The following F13A1 variants were observed in gnomAD, a reference collection of about 807,000 sequenced individuals.
The protein encoded by F13A1 is FSF, A subunit.
F13A1 carries 47 observed loss-of-function variants against 80.1 expected under a neutral mutation model. The ratio of observed to expected loss-of-function variants is 0.59; its 90% CI spans 0.46 to 0.75. The LOEUF is 0.75. F13A1 is among the 30% of genes least tolerant of loss of function. F13A1 has a pLI of 0.00. For missense variants in F13A1, 817 were observed against 930.4 expected (o/e 0.88, Z 1.59); for synonymous variants, 349 against 344.9 (o/e 1.01, Z -0.13).
intron 3 of F13A1, among the ~76,000 whole-genome samples, chr6:6,298,366 T>C (rs1758364376): frequency 6.7e-6 from 1 of 150,146 alleles, no homozygotes; most frequent in South Asian, 2.1e-4. Context: ...CCTCCCATTA[T>C]TAATGTGTGG....
chr6:6,187,917 T>C (rs1761109703), intron 10 of F13A1, among the ~76,000 whole-genome samples: 1 of 147,168 alleles, frequency 6.8e-6, no homozygotes, highest in Admixed American at 6.8e-5. Context: ...TATTGGTCTA[T>C]TCAGAGATTC....
intron 8 of F13A1, among the ~76,000 whole-genome samples, chr6:6,214,792 TAAAG>T (rs1341806710): frequency 6.1e-5 from 3 of 49,482 alleles, no homozygotes; most frequent in East Asian, 3.7e-4. Context: ...GCAAGACTAA[TAAAG>T]AAAAAAAGAG....
intron 8 of F13A1, among the ~76,000 whole-genome samples, chr6:6,213,429 A>G (rs1254018877): frequency 3.0e-4 from 45 of 152,022 alleles, no homozygotes. Flanking sequence ...AGCCAAACTA[A>G]GCTTCATAAG....
chr6:6,238,088 G>A (rs1757435981), intron 6 of F13A1, among the ~76,000 whole-genome samples: 1 of 152,334 alleles, frequency 6.6e-6, no homozygotes, highest in East Asian at 1.9e-4. Context: ...AAAAAAGGCA[G>A]TGTGGTATTG....
chr6:6,160,711 G>A (rs1760558432), intron 13 of F13A1, among the ~76,000 whole-genome samples: 1 of 152,164 alleles, frequency 6.6e-6, no homozygotes, highest in African/African-American at 2.4e-5. Flanking sequence ...ATAACTATAT[G>A]AAGAATGGAT....
At chr6:6,150,848 G>A (rs9504691) in intron 14 of F13A1, among the ~76,000 whole-genome samples, 11 of 150,976 alleles carry the variant, frequency 7.3e-5, no homozygotes, top group African/African-American at 2.2e-4. Context: ...GGAATGTGTG[G>A]GAGAGAGAGA....
At chr6:6,301,468 C>T (rs969224678) in intron 3 of F13A1, among the ~76,000 whole-genome samples, 5 of 152,198 alleles carry the variant, frequency 3.3e-5, no homozygotes, top group African/African-American at 9.6e-5. Flanking sequence ...TACATGTGGC[C>T]CTGTAATGGC....
chr6:6,239,606 A>T (rs1386306458), intron 6 of F13A1, among the ~76,000 whole-genome samples: 1 of 152,086 alleles, frequency 6.6e-6, no homozygotes, highest in Non-Finnish European at 1.5e-5. Context: ...GATAACTATG[A>T]CCACAGGAAA....
intron 10 of F13A1, among the ~76,000 whole-genome samples, chr6:6,191,289 G>T: frequency 6.6e-6 from 1 of 152,064 alleles, no homozygotes; most frequent in East Asian, 1.9e-4. Flanking sequence ...CTTCCTTGTC[G>T]GGCTGGTGGA....
At chr6:6,282,038 G>A (rs1758074497) in intron 3 of F13A1, among the ~76,000 whole-genome samples, 1 of 150,758 alleles carries the variant, frequency 6.6e-6, no homozygotes, top group African/African-American at 2.4e-5. Context: ...CAAGAGTCAT[G>A]AATCAGGGGT....
intron 6 of F13A1, among the ~76,000 whole-genome samples, chr6:6,229,532 C>G (rs183311151): frequency 1.1e-4 from 16 of 152,100 alleles, no homozygotes; most frequent in African/African-American, 3.9e-4. Context: ...AAAGATGATA[C>G]AACATAAGGA....
chr6:6,244,742 G>A (rs1181593920), intron 6 of F13A1, among the ~76,000 whole-genome samples: 1 of 152,182 alleles, frequency 6.6e-6, no homozygotes, highest in African/African-American at 2.4e-5. Flanking sequence ...TAAAGACAAA[G>A]ATGCGAGGCC....
At chr6:6,306,124 G>A (rs1758509137) in intron 2 of F13A1, among the ~76,000 whole-genome samples, 1 of 152,190 alleles carries the variant, frequency 6.6e-6, no homozygotes, top group Non-Finnish European at 1.5e-5. Context: ...TCAAATGCAG[G>A]AAAGAGAGGG....
At chr6:6,284,010 T>C (rs181680303) in intron 3 of F13A1, among the ~76,000 whole-genome samples, 71 of 152,262 alleles carry the variant, frequency 4.7e-4, no homozygotes, top group African/African-American at 1.7e-3. Flanking sequence ...GCAAGGATGA[T>C]TGAGTACCAC....
Position 6,197,444 on chromosome 6 carries a change from C to T in F13A1, c.1113-118G>A. ...CCTGTAATCCCAGCAATTTGGGAGGCCAAGGCAGGTGAGTCACAAGGTCAA... is the reference window on the plus strand; with the variant it reads ...CCTGTAATCCCAGCAATTTGGGAGGTCAAGGCAGGTGAGTCACAAGGTCAA... On this transcript the variant is annotated intron_variant, in intron 8 of 14. Coordinates refer to ENST00000264870, the MANE Select transcript of F13A1 (RefSeq NM_000129.4). The T allele has an allele frequency of 3.3e-6, 3 of 920,342 alleles. No homozygotes were observed. In the South Asian group the frequency reaches 4.2e-5, roughly 13 times the overall value. The allele number at this position is 920,342 out of a possible 1,614,324, so 57.0% of individuals were successfully genotyped here.
chr6:6,174,250 C>T lies in F13A1; in HGVS notation c.1747+330G>A, dbSNP rs3024449. ...ACTAAAAATACAAAAATTTGCCTGG[C>T]GTGGTGGCATGTGCCTGTAATCCCA... is the stretch of plus-strand genomic sequence containing the variant. On this transcript the variant is annotated intron_variant, in intron 12 of 14. Transcript: ENST00000264870. Among the ~76,000 whole-genome samples, 1,447 of 152,132 alleles carry T rather than the reference C, an allele frequency of 9.5e-3. 23 individuals are homozygous for T. Among genetic ancestry groups the T allele is most frequent in the African/African-American group, 0.033 (1,385 of 41,502 alleles).
At chr6:6,210,685 C>T (rs1378343988) in intron 8 of F13A1, among the ~76,000 whole-genome samples, 1 of 151,750 alleles carries the variant, frequency 6.6e-6, no homozygotes, top group East Asian at 1.9e-4. Flanking sequence ...TGAGCCACCT[C>T]ACCAGGCCGT....
intron 3 of F13A1, among the ~76,000 whole-genome samples, chr6:6,299,108 C>A (rs1400978022): frequency 3.6e-5 from 5 of 140,246 alleles, no homozygotes; most frequent in Non-Finnish European, 6.0e-5. Flanking sequence ...GGGTTTCTGC[C>A]GAGAGATCCG....
intron 8 of F13A1, among the ~76,000 whole-genome samples, chr6:6,201,353 G>T (rs150396916): frequency 6.6e-6 from 1 of 152,294 alleles, no homozygotes; most frequent in East Asian, 1.9e-4. Context: ...TATTTAGGGT[G>T]GGAGTTTCAT....
Sources: allele counts gnomAD v4.1 joint callset (sites outside exome capture counted in the v4.1 genomes callset), GRCh38; gene constraint gnomAD v4.1.1; transcripts MANE v1.5; gene names NCBI Gene and HGNC (gene_info 2026-07-23, HGNC 2026-07-21).